Variants in FAM90A20 observed in about 807,000 individuals in gnomAD.
FAM90A20 encodes protein FAM90A20.
the FAM90A20 span, among the ~76,000 whole-genome samples, chr8:7,296,630 G>T: frequency 4.7e-4 from 63 of 135,006 alleles, 8 homozygotes; most frequent in Non-Finnish European, 4.4e-4. Context: ...CCAACAACAC[G>T]TTCCTAGCGG....
At chr8:7,296,326 T>A in the FAM90A20 span, 3 of 740,060 alleles carry the variant, frequency 4.1e-6, no homozygotes, top group South Asian at 4.1e-5. Flanking sequence ...CCTCCACATG[T>A]TTTCCGGGAA....
At chr8:7,296,809 A>G in the FAM90A20 span, among the ~76,000 whole-genome samples, 1 of 136,298 alleles carries the variant, frequency 7.3e-6, no homozygotes, top group Admixed American at 6.8e-5. Flanking sequence ...ACTTTGATCC[A>G]GTTAATGCCC....
chr8:7,297,071 G>C, the FAM90A20 span: 2 of 1,506,632 alleles, frequency 1.3e-6, no homozygotes, highest in Non-Finnish European at 1.8e-6. Context: ...GGTTGCAAGG[G>C]GGCCAATGCC....
At chr8:7,297,233 A>C in the FAM90A20 span, 1 of 1,508,306 alleles carries the variant, frequency 6.6e-7, no homozygotes, top group Non-Finnish European at 9.0e-7. Context: ...ACCAAAGGAA[A>C]GACAGACAGG....
chr8:7,297,666 C>G, the FAM90A20 span: 4 of 1,390,516 alleles, frequency 2.9e-6, no homozygotes, highest in Non-Finnish European at 3.9e-6. Flanking sequence ...AGTAGGTCGC[C>G]CCAGATGGGC....
chr8:7,296,380 T>G, the FAM90A20 span: 17 of 742,560 alleles, frequency 2.3e-5, 5 homozygotes, highest in Non-Finnish European at 3.7e-5. Context: ...ATCCACGGAA[T>G]CTTCTGATTA....
chr8:7,296,385 T>C, the FAM90A20 span: 9 of 745,780 alleles, frequency 1.2e-5, no homozygotes, highest in Admixed American at 1.1e-4. Flanking sequence ...CGGAATCTTC[T>C]GATTATCTGA....
chr8:7,297,599 G>T, the FAM90A20 span: 2 of 1,482,772 alleles, frequency 1.3e-6, no homozygotes, highest in East Asian at 2.3e-5. Context: ...CCAGGGAGGT[G>T]AGCTGGGGGC....
the FAM90A20 span, chr8:7,297,254 G>A: frequency 4.1e-6 from 6 of 1,446,100 alleles, no homozygotes; most frequent in Admixed American, 5.1e-5. Flanking sequence ...GGCTGCCGCC[G>A]ACATCCCTCG....
At chr8:7,295,453 G>T in the FAM90A20 span, among the ~76,000 whole-genome samples, 1 of 106,238 alleles carries the variant, frequency 9.4e-6, no homozygotes, top group East Asian at 2.4e-4. Context: ...TCCGTCACAC[G>T]GGCTTTGCGA....
chr8:7,296,025 G>A, the FAM90A20 span, among the ~76,000 whole-genome samples: 4 of 129,280 alleles, frequency 3.1e-5, 1 homozygote, highest in Admixed American at 2.8e-4. Context: ...TCAGGGACGG[G>A]GAGAGGCGGG....
At chr8:7,296,101 TG>T in the FAM90A20 span, among the ~76,000 whole-genome samples, 3 of 130,454 alleles carry the variant, frequency 2.3e-5, no homozygotes, top group Non-Finnish European at 4.6e-5. Context: ...AGTCCTTAGT[TG>T]GGAAGCCTAG....
At chr8:7,295,768 T>G in the FAM90A20 span, 16 of 1,308,130 alleles carry the variant, frequency 1.2e-5, no homozygotes, top group Non-Finnish European at 1.4e-5. Context: ...CATGGAAGCC[T>G]GGGGTTGAAG....
At chr8:7,297,640 A>T in the FAM90A20 span, 4 of 1,411,054 alleles carry the variant, frequency 2.8e-6, 1 homozygote, top group Non-Finnish European at 3.9e-6. Flanking sequence ...CACCAGCCGC[A>T]ACCGAACTTG....
the FAM90A20 span, chr8:7,297,724 C>A: frequency 7.8e-5 from 117 of 1,496,688 alleles, 11 homozygotes; most frequent in Admixed American, 3.4e-4. Context: ...AGCCTCCGCA[C>A]CGCAGACCTT....
chr8:7,297,966 T>G, the FAM90A20 span: 2 of 677,614 alleles, frequency 3.0e-6, no homozygotes, highest in Admixed American at 2.1e-5. Flanking sequence ...CCGAGCGTCC[T>G]CTATGAGGAC....
At chr8:7,297,458 A>T in the FAM90A20 span, 9 of 1,550,014 alleles carry the variant, frequency 5.8e-6, 1 homozygote, top group Admixed American at 1.7e-5. Context: ...CGCCACACAC[A>T]GCTTGGGCCT....
At chr8:7,297,255 A>C in the FAM90A20 span, 1 of 1,446,738 alleles carries the variant, frequency 6.9e-7, no homozygotes, top group Non-Finnish European at 9.5e-7. Context: ...GCTGCCGCCG[A>C]CATCCCTCGG....
At chr8:7,297,248 G>T in the FAM90A20 span, 1 of 1,467,612 alleles carries the variant, frequency 6.8e-7, no homozygotes, top group Non-Finnish European at 9.3e-7. Context: ...GACAGGGGCT[G>T]CCGCCGACAT....
Sources: gnomAD v4.1 joint callset for allele counts (sites outside exome capture counted in the v4.1 genomes callset) on GRCh38, gnomAD v4.1.1 for gene constraint, MANE v1.5 for transcripts, NCBI Gene and HGNC (gene_info 2026-07-23, HGNC 2026-07-21) for gene names.